The following DLGAP2 variants were observed in gnomAD, a reference collection of about 807,000 sequenced individuals.
The protein encoded by DLGAP2 is disks large-associated protein 2.
In DLGAP2, 26 loss-of-function variants were observed where a neutral mutation model predicts 100.3. The observed-to-expected ratio is 0.26, with a 90% CI of 0.19 to 0.36. The LOEUF (loss-of-function observed/expected upper bound fraction) is 0.36, where lower values mean the gene tolerates loss of function less well. DLGAP2 is among the 10% of genes least tolerant of loss of function. The pLI is 1.00. For synonymous variants in DLGAP2, 886 were observed against 630.1 expected (o/e 1.41, Z -6.08); for missense variants, 1,858 against 1,453.2 (o/e 1.28, Z -4.53).
At chr8:1,387,944 T>G (rs192436205) in intron 3 of DLGAP2, among the ~76,000 whole-genome samples, 2 of 152,254 alleles carry the variant, frequency 1.3e-5, no homozygotes, top group Non-Finnish European at 2.9e-5. Flanking sequence ...GGGTTACGGG[T>G]GGGTTAGCGA....
intron 4 of DLGAP2, among the ~76,000 whole-genome samples, chr8:1,506,012 T>C (rs1799900387): frequency 6.6e-6 from 1 of 152,250 alleles, no homozygotes; most frequent in Non-Finnish European, 1.5e-5. Flanking sequence ...TGAGAAAATG[T>C]ACACACTGTG....
At chr8:1,089,054 C>T (rs113993626) in intron 2 of DLGAP2, among the ~76,000 whole-genome samples, 2 of 136,444 alleles carry the variant, frequency 1.5e-5, no homozygotes, top group South Asian at 2.5e-4. Context: ...CATTCTTGCT[C>T]CCCGGCCTCA....
intron 6 of DLGAP2, among the ~76,000 whole-genome samples, chr8:1,571,378 G>A (rs1802669717): frequency 7.0e-6 from 1 of 143,714 alleles, no homozygotes; most frequent in Admixed American, 6.9e-5. Context: ...AGGAGAGAGG[G>A]GTGAACTGTG....
At chr8:1,317,581 C>A (rs1487388719) in intron 3 of DLGAP2, among the ~76,000 whole-genome samples, 1 of 137,194 alleles carries the variant, frequency 7.3e-6, no homozygotes, top group Non-Finnish European at 1.5e-5. Flanking sequence ...CACTCGGCAG[C>A]GTTTAAAAAT....
rs535367195 is a variant in DLGAP2, at chr8:1,271,386, G to A, written c.106+12503G>A. ...ATGCATGGCACACACTGGGGACATAGTGACTTCTGTTTTACTTTTATTCTG... is the reference window on the plus strand; with the variant it reads ...ATGCATGGCACACACTGGGGACATAATGACTTCTGTTTTACTTTTATTCTG... On this transcript the variant is annotated intron_variant, in intron 3 of 14. Transcript: ENST00000637795. Among the ~76,000 whole-genome samples the A allele has an allele frequency of 3.3e-5, 5 of 152,290 alleles. No homozygotes were observed. In the South Asian group the frequency reaches 1.0e-3, roughly 32 times the overall value.
At chr8:1,323,592 G>T (rs1800955388) in intron 3 of DLGAP2, among the ~76,000 whole-genome samples, 1 of 152,198 alleles carries the variant, frequency 6.6e-6, no homozygotes, top group Non-Finnish European at 1.5e-5. Context: ...GGCAGCAGCA[G>T]CTCCTGCTGT....
At chr8:885,208 A>C (rs1181533024) in intron 1 of DLGAP2, among the ~76,000 whole-genome samples, 1 of 152,180 alleles carries the variant, frequency 6.6e-6, no homozygotes, top group African/African-American at 2.4e-5. Context: ...GAATCCATAA[A>C]TTGCTGGCAG....
At chr8:1,131,920 A>G (rs1043289936) in intron 2 of DLGAP2, among the ~76,000 whole-genome samples, 2 of 152,084 alleles carry the variant, frequency 1.3e-5, no homozygotes, top group African/African-American at 4.8e-5. Context: ...CCTTAATTAG[A>G]ATGTTTGTAT....
intron 3 of DLGAP2, among the ~76,000 whole-genome samples, chr8:1,481,573 G>A (rs753393539): frequency 1.9e-4 from 25 of 133,772 alleles, no homozygotes; most frequent in Non-Finnish European, 3.7e-4. Context: ...CCAGCTCCCA[G>A]GTTGAAGTGA....
chr8:898,152 C>T (rs1325604290), intron 1 of DLGAP2, among the ~76,000 whole-genome samples: 1 of 152,230 alleles, frequency 6.6e-6, no homozygotes, highest in African/African-American at 2.4e-5. Context: ...GGAAAGCGCT[C>T]AGTCAGCCGC....
chr8:893,135 G>T (rs971679796), intron 1 of DLGAP2: 107 of 152,328 alleles, frequency 7.0e-4, no homozygotes, highest in African/African-American at 2.5e-3. Flanking sequence ...TGGAACCGAG[G>T]GCAGGCTGGT....
At chr8:979,230 A>G (rs949574256) in intron 2 of DLGAP2, among the ~76,000 whole-genome samples, 1 of 152,226 alleles carries the variant, frequency 6.6e-6, no homozygotes, top group African/African-American at 2.4e-5. Context: ...ATGGGATTAT[A>G]ATGACAAACT....
intron 3 of DLGAP2, among the ~76,000 whole-genome samples, chr8:1,281,618 C>T (rs923574976): frequency 6.6e-6 from 1 of 152,166 alleles, no homozygotes; most frequent in Non-Finnish European, 1.5e-5. Context: ...CATTGGGGAG[C>T]TGTTATTAAT....
At chr8:763,992 T>G (rs1240722070) in intron 1 of DLGAP2, among the ~76,000 whole-genome samples, 1 of 152,202 alleles carries the variant, frequency 6.6e-6, no homozygotes, top group Non-Finnish European at 1.5e-5. Flanking sequence ...GGCTTTTAAT[T>G]GGAAATTTTC....
At chr8:1,259,749 A>T (rs1799307399) in intron 3 of DLGAP2, 1 of 152,208 alleles carries the variant, frequency 6.6e-6, no homozygotes, top group African/African-American at 2.4e-5. Context: ...GGGTCACAGA[A>T]GCTCAACCGT....
At position 960,237 on chromosome 8, in the gene DLGAP2, C is replaced by CTTTTTTTTTTTTTTTTTTTTTTTTTTTT. The variant is rs71528625; in HGVS notation, c.73+52286_73+52287insTTTTTTTTTTTTTTTTTTTTTTTTTTTT. On this transcript the variant is annotated intron_variant, in intron 2 of 14. Transcript: ENST00000637795. ...TTGGGCAATTATTCCTGAAGTATAT[C>CTTTTTTTTTTTTTTTTTTTTTTTTTTTT]TTTTTTTTTTTTTTTCCCGAGACAC... 1.0e-3 allele frequency among the ~76,000 whole-genome samples: 46 copies of CTTTTTTTTTTTTTTTTTTTTTTTTTTTT among 44,650 alleles called. 18 individuals are homozygous for CTTTTTTTTTTTTTTTTTTTTTTTTTTTT. Among genetic ancestry groups the CTTTTTTTTTTTTTTTTTTTTTTTTTTTT allele is most frequent in the African/African-American group, 3.4e-3 (39 of 11,364 alleles). The allele number at this position is 44,650 out of a possible 152,430, so 29.3% of individuals were successfully genotyped here. A position where few individuals can be genotyped will look rare whatever the true frequency, so the allele number is the denominator to read the frequency against.
chr8:1,033,370 G>T (rs1436985910), intron 2 of DLGAP2, among the ~76,000 whole-genome samples: 1 of 152,156 alleles, frequency 6.6e-6, no homozygotes, highest in Non-Finnish European at 1.5e-5. Flanking sequence ...GAAGAATAAA[G>T]GCTTAGCTGG....
chr8:1,640,878 G>T (rs1797881554), intron 8 of DLGAP2, among the ~76,000 whole-genome samples: 2 of 152,172 alleles, frequency 1.3e-5, no homozygotes, highest in South Asian at 4.1e-4. Flanking sequence ...TGATTTATTT[G>T]AACTACAGCC....
chr8:1,687,982 C>T (rs545740600), intron 12 of DLGAP2, among the ~76,000 whole-genome samples: 20 of 152,190 alleles, frequency 1.3e-4, no homozygotes, highest in Non-Finnish European at 2.5e-4. Flanking sequence ...TTCCTCCCCT[C>T]GTCATCAGCG....
Sources: allele counts gnomAD v4.1 joint callset (sites outside exome capture counted in the v4.1 genomes callset), GRCh38; gene constraint gnomAD v4.1.1; transcripts MANE v1.5; gene names NCBI Gene and HGNC (gene_info 2026-07-23, HGNC 2026-07-21).